PRRG1: variants seen among roughly 807,000 people sequenced by gnomAD.
The protein encoded by PRRG1 is transmembrane gamma-carboxyglutamic acid protein 1.
A neutral mutation model predicts 11.8 loss-of-function variants in PRRG1; 5 were observed. The ratio of observed to expected loss-of-function variants is 0.42; its 90% CI spans 0.22 to 0.89. The LOEUF (loss-of-function observed/expected upper bound fraction) is 0.89, where lower values mean the gene tolerates loss of function less well. Ranked by LOEUF, PRRG1 falls within the 40% of genes least tolerant of loss-of-function variation. The probability of loss-of-function intolerance (pLI) is 0.28; values close to 1 mark genes in which losing one functional copy is unlikely to be tolerated. For missense variants in PRRG1, 155 were observed against 166.1 expected (o/e 0.93, Z 0.37); for synonymous variants, 66 against 60.4 (o/e 1.09, Z -0.43).
At chrX:37,429,870 C>A (rs1296891230) in intron 3 of PRRG1, among the ~76,000 whole-genome samples, 1 of 111,661 alleles carries the variant, frequency 9.0e-6, no homozygotes, top group Non-Finnish European at 1.9e-5. Context: ...AGGCAGGAGG[C>A]GAAAGGCACT....
chrX:37,352,042 G>T (rs1930083444), intron 1 of PRRG1, among the ~76,000 whole-genome samples: 1 of 112,379 alleles, frequency 8.9e-6, no homozygotes, highest in Non-Finnish European at 1.9e-5. Flanking sequence ...ACTCCACCAG[G>T]ATCACTGGCC....
rs186478576 is a variant in PRRG1, at chrX:37,379,172, A to T, written c.-41-27037A>T. Among the ~76,000 whole-genome samples, 327 of 104,604 alleles carry T rather than the reference A, an allele frequency of 3.1e-3. 1 individual carries two copies. Among genetic ancestry groups the T allele is most frequent in the African/African-American group, 0.01 (296 of 28,465 alleles). 90.8% of individuals were successfully genotyped at this position (104,604 alleles called of 115,157 possible). A position where few individuals can be genotyped will look rare whatever the true frequency, so the allele number is the denominator to read the frequency against. ...CTCAAGTGTCACCATGTTTGTGAAG[A>T]CTTCTTATCTTTTCTAGGTGCAATT... On this transcript the variant is annotated intron_variant, in intron 1 of 3. Coordinates refer to ENST00000378628, the MANE Select transcript of PRRG1 (RefSeq NM_001142395.2).
chrX:37,391,969 T>G (rs1294738956), intron 1 of PRRG1, among the ~76,000 whole-genome samples: 4 of 111,069 alleles, frequency 3.6e-5, no homozygotes, highest in African/African-American at 1.3e-4. Flanking sequence ...CAATGATACT[T>G]ACACTGGGCT....
chrX:37,376,992 T>C (rs1190224440), intron 1 of PRRG1, among the ~76,000 whole-genome samples: 2 of 111,067 alleles, frequency 1.8e-5, no homozygotes, highest in African/African-American at 6.5e-5. Flanking sequence ...CAGTAAATAC[T>C]AGTTGAATCT....
chrX:37,392,356 T>C (rs1349553724), intron 1 of PRRG1, among the ~76,000 whole-genome samples: 2 of 109,406 alleles, frequency 1.8e-5, no homozygotes, highest in African/African-American at 6.7e-5. Context: ...ACCCCTGATA[T>C]ACACCAACTG....
intron 2 of PRRG1, among the ~76,000 whole-genome samples, chrX:37,416,769 G>T (rs976950666): frequency 1.8e-5 from 2 of 112,286 alleles, no homozygotes; most frequent in Non-Finnish European, 3.8e-5. Context: ...CTATTAATTT[G>T]ATTGGTGTAA....
At chrX:37,387,550 G>A (rs782595873) in intron 1 of PRRG1, among the ~76,000 whole-genome samples, 2 of 111,225 alleles carry the variant, frequency 1.8e-5, no homozygotes, top group African/African-American at 6.6e-5. Context: ...AGAGAGAGAG[G>A]GGGGAGGTGC....
At chrX:37,392,277 A>G (rs1451928661) in intron 1 of PRRG1, among the ~76,000 whole-genome samples, 1 of 110,999 alleles carries the variant, frequency 9.0e-6, no homozygotes, top group Non-Finnish European at 1.9e-5. Flanking sequence ...GGGTAGTTAC[A>G]ACAGAGACCA....
intron 1 of PRRG1, among the ~76,000 whole-genome samples, chrX:37,385,508 A>C (rs1227184592): frequency 9.1e-6 from 1 of 110,422 alleles, no homozygotes; most frequent in Non-Finnish European, 1.9e-5. Context: ...TATATAATAT[A>C]ATTTTACAAA....
In PRRG1 at chrX:37,370,930, C is replaced by T. The variant is rs541765604; in HGVS notation, c.-42+21535C>T. ...GGAGCTGAGAGCAGTTTGGTGCTGG[C>T]GTGCAGGCACCCTTCAGCACAAACA... On this transcript the variant is annotated intron_variant, in intron 1 of 3. Coordinates refer to ENST00000378628, the MANE Select transcript of PRRG1 (RefSeq NM_001142395.2). Among the ~76,000 whole-genome samples, 5 of 111,411 alleles carry T rather than the reference C, an allele frequency of 4.5e-5. No homozygotes were observed. In the Admixed American group the frequency reaches 4.7e-4, roughly 11 times the overall value.
intron 3 of PRRG1, chrX:37,441,849 G>T: frequency 1.3e-6 from 1 of 783,417 alleles, no homozygotes; most frequent in Non-Finnish European, 1.5e-6. Flanking sequence ...ACCTGGAGAA[G>T]AGTGTCAACC....
At chrX:37,359,739 G>A (rs782081465) in intron 1 of PRRG1, among the ~76,000 whole-genome samples, 1 of 111,570 alleles carries the variant, frequency 9.0e-6, no homozygotes, top group East Asian at 2.8e-4. Context: ...AGAATTCAGC[G>A]GTAAACCCAT....
At chrX:37,381,886 T>C (rs1314770467) in intron 1 of PRRG1, among the ~76,000 whole-genome samples, 5 of 111,752 alleles carry the variant, frequency 4.5e-5, no homozygotes, top group Non-Finnish European at 1.9e-5. Flanking sequence ...TGAAATTTTA[T>C]ATAAGATAAT....
chrX:37,446,137 A>G (rs782767082), intron 3 of PRRG1, among the ~76,000 whole-genome samples: 1 of 112,385 alleles, frequency 8.9e-6, no homozygotes, highest in African/African-American at 3.2e-5. Context: ...AATGAAAGCA[A>G]TATACTGTAT....
intron 3 of PRRG1, chrX:37,441,085 T>G (rs1932967928): frequency 2.1e-6 from 2 of 937,029 alleles, no homozygotes; most frequent in Non-Finnish European, 2.6e-6. Context: ...TTTTAAAATA[T>G]TTAAACTCAA....
chrX:37,386,170 A>G (rs1247001228), intron 1 of PRRG1, among the ~76,000 whole-genome samples: 1 of 112,270 alleles, frequency 8.9e-6, no homozygotes, highest in Non-Finnish European at 1.9e-5. Flanking sequence ...TATGTATAAT[A>G]TGCTCTTACA....
chrX:37,410,497 A>G (rs1932322067), intron 2 of PRRG1, among the ~76,000 whole-genome samples: 1 of 112,090 alleles, frequency 8.9e-6, no homozygotes, highest in East Asian at 2.8e-4. Flanking sequence ...TATGGAAGAA[A>G]TTATTTTTTG....
At chrX:37,402,790 A>T (rs1407525887) in intron 1 of PRRG1, among the ~76,000 whole-genome samples, 52 of 111,795 alleles carry the variant, frequency 4.7e-4, no homozygotes, top group African/African-American at 1.7e-3. Context: ...TTTATAAGAA[A>T]AAAACAACCC....
intron 2 of PRRG1, among the ~76,000 whole-genome samples, chrX:37,418,691 A>G (rs782672070): frequency 6.6e-4 from 74 of 111,767 alleles, no homozygotes; most frequent in African/African-American, 2.3e-3. Context: ...TGTAAACATA[A>G]TCATTGATGT....
Sources: gnomAD v4.1 joint callset for allele counts (sites outside exome capture counted in the v4.1 genomes callset) on GRCh38, gnomAD v4.1.1 for gene constraint, MANE v1.5 for transcripts, NCBI Gene and HGNC (gene_info 2026-07-23, HGNC 2026-07-21) for gene names.